The following PODNL1 variants were observed in gnomAD, a reference collection of about 807,000 sequenced individuals.
PODNL1 encodes podocan-like protein 1.
PODNL1 carries 50 observed loss-of-function variants against 45.1 expected under a neutral mutation model. That is an observed-to-expected ratio of 1.11 (90% confidence interval 0.88 to 1.40). The LOEUF is 1.40. PODNL1 is among the 40% of genes most tolerant of loss of function. The pLI, the probability that PODNL1 is intolerant of heterozygous loss-of-function variation, is 0.00. For missense variants in PODNL1, 788 were observed against 793.3 expected (o/e 0.99, Z 0.08); for synonymous variants, 406 against 372.5 (o/e 1.09, Z -1.04).
rs1972730105 is a variant in PODNL1 at position 13,943,720 on chromosome 19, C to T, written c.19-5714G>A. On this transcript the variant is annotated intron_variant, in intron 1 of 7. Coordinates refer to the PODNL1 transcript ENST00000538371. Reference sequence around the variant, plus strand: ...CTCATGATCCACCTGCCTCAGCCTCCCAAAGTGCTGGGATTACAGGCGTGA... The same window carrying T: ...CTCATGATCCACCTGCCTCAGCCTCTCAAAGTGCTGGGATTACAGGCGTGA... 2.0e-5 allele frequency among the ~76,000 whole-genome samples: 3 copies of T among 152,222 alleles called. 1 individual carries two copies. In the South Asian group the frequency reaches 6.2e-4, roughly 32 times the overall value.
At position 13,935,954 on chromosome 19, in the gene PODNL1, G is replaced by A. The variant is rs573089563; in HGVS notation, c.384+26C>T. 1.2e-5 allele frequency: 18 copies of A among 1,550,352 alleles called. 1 individual carries two copies. In the Admixed American group the frequency reaches 3.5e-4, roughly 30 times the overall value. On this transcript the variant is annotated intron_variant, in intron 4 of 9. Transcript: ENST00000588872. ...TGAAGCTGCACCCTCACTGGGCTCG[G>A]CCTGCGGGTGGGGCTGGGGGCTCAC...
chr19:13,935,677 A>G, intron 5 of PODNL1, 44 bp downstream of exon 5: 1 of 1,397,280 alleles, frequency 7.2e-7, no homozygotes. Context: ...GGCATGACAC[A>G]GATGTATCTG....
At chr19:13,947,236 T>C (rs1003845110) in intron 1 of PODNL1, among the ~76,000 whole-genome samples, 12 of 137,740 alleles carry the variant, frequency 8.7e-5, no homozygotes, top group African/African-American at 3.3e-4. Flanking sequence ...ATCCCAGCAC[T>C]TTAGGAGGCC....
intron 8 of PODNL1, chr19:13,932,412 A>G: frequency 1.8e-6 from 1 of 557,038 alleles, no homozygotes. Context: ...CCCAGTCTAG[A>G]GGGCAGTGGC....
At chr19:13,940,286 G>T (rs762959002), upstream of PODNL1, among the ~76,000 whole-genome samples, 15 of 151,598 alleles carry the variant, frequency 9.9e-5, no homozygotes, top group Non-Finnish European at 1.9e-4. Context: ...AAAACTTTGT[G>T]GGGGGCCAGG....
chr19:13,933,466 A>G lies in PODNL1; in HGVS notation c.768-11T>C. On this transcript the variant is annotated splice_polypyrimidine_tract_variant and intron_variant, in intron 7 of 9. Transcript: ENST00000588872. The surrounding 1 kb of genome is among the most constrained non-coding windows in gnomAD (Gnocchi z 5.2). ...AGGCTATGCAGCTTGCTGGAAGGAG[A>G]GAGGGTCGGTGTTAGGTGGGGCACT... 6.5e-7 allele frequency: 1 copy of G among 1,549,104 alleles called. No homozygotes were observed.
chr19:13,934,528 C>CGT (rs1972197716), intron 5 of PODNL1, 118 bp from the exon 6 acceptor site: 2 of 646,400 alleles, frequency 3.1e-6, no homozygotes, highest in African/African-American at 2.1e-5. Flanking sequence ...TGTGTGTGTG[C>CGT]GCGCGCATGT....
intron 1 of PODNL1, among the ~76,000 whole-genome samples, chr19:13,950,541 T>G (rs1972963845): frequency 6.6e-6 from 1 of 152,104 alleles, no homozygotes. Context: ...TAGATTGAGG[T>G]TCTAGGTTTG....
At chr19:13,932,380 G>T in intron 8 of PODNL1, 1 of 484,564 alleles carries the variant, frequency 2.1e-6, no homozygotes, top group Non-Finnish European at 3.4e-6. Context: ...TTTTTTTCAA[G>T]AGACAGGGTC....
rs1030768900 is a variant in PODNL1 at position 13,938,012 on chromosome 19, G to C, written c.4-6C>G. On this transcript the variant is annotated splice_polypyrimidine_tract_variant and splice_region_variant and intron_variant, in intron 1 of 9. Coordinates refer to ENST00000588872, the MANE Select transcript of PODNL1 (RefSeq NM_001370095.3). ...AGCAGCAGCAGGCTCGGCCACTGCGGGGGAGGGAGGGTCAGCGTGTCTCCA... is the reference window on the plus strand; with the variant it reads ...AGCAGCAGCAGGCTCGGCCACTGCGCGGGAGGGAGGGTCAGCGTGTCTCCA... The C allele has an allele frequency of 3.3e-6, 5 of 1,509,868 alleles. No homozygotes were observed. The highest frequency in any genetic ancestry group is 2.0e-5 in the Admixed American group (1 of 49,686). The allele number at this position is 1,509,868 out of a possible 1,614,324, so 93.5% of individuals were successfully genotyped here.
chr19:13,942,178 T>C (rs1031308326), upstream of PODNL1, among the ~76,000 whole-genome samples: 1 of 152,180 alleles, frequency 6.6e-6, no homozygotes, highest in Non-Finnish European at 1.5e-5. Flanking sequence ...AACTAGCTAA[T>C]ACAAACAAGG....
chr19:13,940,959 T>C (rs1972637516), upstream of PODNL1, among the ~76,000 whole-genome samples: 2 of 151,914 alleles, frequency 1.3e-5, no homozygotes, highest in South Asian at 4.2e-4. Context: ...AGTGGGAGGA[T>C]CACATGAACC....
intron 1 of PODNL1, chr19:13,952,397 C>G: frequency 1.7e-6 from 2 of 1,206,044 alleles, no homozygotes; most frequent in Non-Finnish European, 2.1e-6. Context: ...AGGCATAGCG[C>G]GAGTGCGGGC....
Position 13,932,106 on chromosome 19 carries a change from C to T in PODNL1, c.1432G>A (p.Asp478Asn). 1.6e-6 allele frequency: 2 copies of T among 1,233,420 alleles called. No individual in the cohort carries two copies. Among genetic ancestry groups the T allele is most frequent in the East Asian group, 6.3e-5 (2 of 31,702 alleles). 76.4% of individuals were successfully genotyped at this position (1,233,420 alleles called of 1,614,324 possible). The change falls in exon 9 of 10, where the codon GAC becomes AAC. Residue 478 changes from aspartate to asparagine, a missense_variant. Asp to Asn is a conservative substitution (Grantham distance 23). This residue lies in a region of PODNL1 where 762 missense variants were observed against 750.9 expected (regional missense o/e 1.01). Coordinates refer to ENST00000588872, the MANE Select transcript of PODNL1 (RefSeq NM_001370095.3). ...AAGGACAGCTCATTGTGGCTGAGGT[C>T]CAGCATCTGGGCAGGGGGTTATAGA... The part of the protein sequence containing the change: ...WHELQALQML[D>N]LSHNELSFVP...
intron 2 of PODNL1, 46 bp downstream of exon 2, chr19:13,937,739 C>CT (rs1399086404): frequency 2.0e-6 from 3 of 1,525,752 alleles, no homozygotes; most frequent in Non-Finnish European, 1.8e-6. Context: ...CCCCTCACCA[C>CT]TGGGTCTCAG....
intron 5 of PODNL1, among the ~76,000 whole-genome samples, chr19:13,934,682 T>C (rs991624141): frequency 2.0e-5 from 3 of 151,470 alleles, no homozygotes; most frequent in African/African-American, 7.3e-5. Flanking sequence ...AGTGCATATG[T>C]GGAGTGTGTG....
In PODNL1 at chr19:13,934,261, T is replaced by G. The variant is rs751955937; in HGVS notation, c.644A>C (p.His215Pro). 6.6e-7 allele frequency: 1 copy of G among 1,508,366 alleles called. No homozygotes were observed. 93.4% of individuals were successfully genotyped at this position (1,508,366 alleles called of 1,614,324 possible). ...GACCTACAGCAGGGCTACCTGCAGG[T>G]GGAGCCGCTCGAGTGAGGGCGGCAG... ...PSLPPSLERL[H>P]LQNNLISKVP... Residue 215 changes from histidine to proline, a missense_variant, in exon 6 of 10, where the codon CAC (histidine) becomes CCC (proline). Coordinates refer to ENST00000588872, the MANE Select transcript of PODNL1 (RefSeq NM_001370095.3).
chr19:13,934,351 C>CGGAA lies in PODNL1; in HGVS notation c.550_553dup (p.Arg185LeufsTer54). 1 of 1,553,326 alleles carries CGGAA rather than the reference C, an allele frequency of 6.4e-7. No individual in the cohort carries two copies. Among genetic ancestry groups the CGGAA allele is most frequent in the Non-Finnish European group, 8.7e-7 (1 of 1,152,240 alleles). On this transcript the variant is annotated frameshift_variant, in exon 6 of 10. Coordinates refer to ENST00000588872, the MANE Select transcript of PODNL1 (RefSeq NM_001370095.3). LOFTEE classifies it high-confidence loss of function. ...GAGGGTGGCGATGGCCTCGGAGCCG[C>CGGAA]GGAAGGCGTCGGGGGGCAGGCCAGC...
At position 13,936,405 on chromosome 19, in the gene PODNL1, C is replaced by T. The variant is rs1370822191; in HGVS notation, c.281G>A (p.Arg94Gln). The part of the protein sequence containing the change: ...YNELSRLSGL[R>Q]TLNLHNNLIS... ...GAGGTTGTTGTGGAGGTTGAGGGTT[C>T]GCAGGCCACTGAGGCGGGACAGCTC... The change falls in exon 3 of 10, where the codon CGA becomes CAA. Residue 94 changes from arginine to glutamine, a missense_variant. By Grantham distance (43) the Arg-to-Gln change is conservative. Transcript: ENST00000588872. The T allele has an allele frequency of 3.1e-6, 5 of 1,613,534 alleles. No individual in the cohort carries two copies. In the Admixed American group the frequency reaches 5.0e-5, roughly 16 times the overall value.
Sources: gnomAD v4.1 joint callset for allele counts (sites outside exome capture counted in the v4.1 genomes callset) on GRCh38, gnomAD v4.1.1 for gene constraint, gnomAD v4.1.1 regional missense constraint, Gnocchi (gnomAD v3.1) non-coding constraint, MANE v1.5 for transcripts, NCBI Gene and HGNC (gene_info 2026-07-23, HGNC 2026-07-21) for gene names.